ASTL: variants seen among roughly 807,000 people sequenced by gnomAD.
ASTL encodes the protein astacin like metalloendopeptidase, also known as astacin-like metalloendopeptidase.
A neutral mutation model predicts 36.7 loss-of-function variants in ASTL; 27 were observed. The ratio of observed to expected loss-of-function variants is 0.73; its 90% CI spans 0.54 to 1.01. The LOEUF (loss-of-function observed/expected upper bound fraction) is 1.01, where lower values mean the gene tolerates loss of function less well. Ranked by LOEUF, ASTL falls within the 50% of genes least tolerant of loss-of-function variation. The probability of loss-of-function intolerance (pLI) is 0.00; values close to 1 mark genes in which losing one functional copy is unlikely to be tolerated. For missense variants in ASTL, 524 were observed against 572.8 expected (o/e 0.91, Z 0.87); for synonymous variants, 222 against 228.1 (o/e 0.97, Z 0.24).
In ASTL at chr2:96,132,425, G is replaced by A; in HGVS notation, c.637+115C>T. ...GAGACCCCCACCTTCCCCACAGGAA[G>A]CAGGCAGGTGATGGGGAGGATGGAT... On this transcript the variant is annotated intron_variant, in intron 6 of 8. Coordinates refer to ENST00000342380, the MANE Select transcript of ASTL (RefSeq NM_001002036.4). The surrounding 1 kb of genome is among the most constrained non-coding windows in gnomAD (Gnocchi z 5.4). The A allele has an allele frequency of 2.2e-6, 2 of 917,798 alleles. No individual in the cohort carries two copies. Among genetic ancestry groups the A allele is most frequent in the Admixed American group, 5.8e-5 (2 of 34,346 alleles). 56.9% of individuals were successfully genotyped at this position (917,798 alleles called of 1,614,324 possible).
At chr2:96,136,131 GGA>G (rs1682294913) in intron 2 of ASTL, among the ~76,000 whole-genome samples, 1 of 152,254 alleles carries the variant, frequency 6.6e-6, no homozygotes, top group Admixed American at 6.5e-5. Flanking sequence ...ACTCACAGGG[GGA>G]GTGAGGGAAG....
intron 2 of ASTL, among the ~76,000 whole-genome samples, chr2:96,136,390 C>T (rs1682299386): frequency 6.6e-6 from 1 of 152,268 alleles, no homozygotes; most frequent in Non-Finnish European, 1.5e-5. Context: ...TAGCCATATT[C>T]ACAGTGGCTG....
At chr2:96,137,891 G>C (rs1024284893) in intron 1 of ASTL, 191 bp from the exon 2 acceptor site, 7 of 579,374 alleles carry the variant, frequency 1.2e-5, no homozygotes, top group African/African-American at 1.9e-5. Flanking sequence ...AGGTCTAGAT[G>C]ACCTCAGGGA....
chr2:96,125,498 C>A (rs1320495657), intron 8 of ASTL, among the ~76,000 whole-genome samples: 1 of 152,178 alleles, frequency 6.6e-6, no homozygotes, highest in Non-Finnish European at 1.5e-5. Flanking sequence ...TGTCCTTTCT[C>A]CCCGCTATAT....
At chr2:96,135,734 C>G (rs1682282898) in intron 2 of ASTL, among the ~76,000 whole-genome samples, 2 of 152,144 alleles carry the variant, frequency 1.3e-5, no homozygotes, top group South Asian at 4.1e-4. Flanking sequence ...GCTAGAGGTT[C>G]CCTGAGCACT....
chr2:96,131,981 C>A (rs1682189351), intron 6 of ASTL, among the ~76,000 whole-genome samples: 1 of 152,236 alleles, frequency 6.6e-6, no homozygotes, highest in African/African-American at 2.4e-5. Context: ...CACAGCCCAC[C>A]TGCCTCCAGC....
At chr2:96,126,040 C>T (rs1682057740) in intron 8 of ASTL, among the ~76,000 whole-genome samples, 1 of 152,034 alleles carries the variant, frequency 6.6e-6, no homozygotes. Context: ...GGGTTCACTC[C>T]AAATAGGTCA....
chr2:96,132,815 G>A lies in ASTL; in HGVS notation c.456-94C>T, dbSNP rs951779763. Reference sequence around the variant, plus strand: ...CTCCCTCCCCACACAACACAAGATAGACAAACTCCCAACAGGCAGGCCCCA... The same window carrying A: ...CTCCCTCCCCACACAACACAAGATAAACAAACTCCCAACAGGCAGGCCCCA... On this transcript the variant is annotated intron_variant, in intron 5 of 8. Transcript: ENST00000342380. The surrounding 1 kb of genome is among the most constrained non-coding windows in gnomAD (Gnocchi z 5.4). 1.8e-4 allele frequency: 213 copies of A among 1,191,364 alleles called. No individual in the cohort carries two copies. The highest frequency in any genetic ancestry group is 2.3e-4 in the Middle Eastern group (1 of 4,368). 73.8% of individuals were successfully genotyped at this position (1,191,364 alleles called of 1,614,324 possible). A position where few individuals can be genotyped will look rare whatever the true frequency, so the allele number is the denominator to read the frequency against.
Position 96,137,682 on chromosome 2 carries a change from G to T in ASTL, c.74C>A (p.Pro25His). The T allele has an allele frequency of 6.2e-7, 1 of 1,613,106 alleles. No homozygotes were observed. Among genetic ancestry groups the T allele is most frequent in the Non-Finnish European group, 8.5e-7 (1 of 1,179,640 alleles). ...GGCTCCTGCGCAGCTGGAGGCCAGG[G>T]GCGCTCCTAGGATCACACCTGGTCC... Reference protein sequence around the residue: ...LSLPGVILGAPLASSCAGACG... With the variant: ...LSLPGVILGAHLASSCAGACG... The change falls in exon 2 of 9, where the codon CCC (proline) becomes CAC (histidine). Residue 25 changes from proline (P) to histidine (H), a missense_variant. Coordinates refer to ENST00000342380, the MANE Select transcript of ASTL (RefSeq NM_001002036.4).
Position 96,130,564 on chromosome 2 carries a change from G to C in ASTL, c.638-419C>G, listed in dbSNP as rs77375414. ...AAAAGCTGCCACGCTGTCATCTGCA[G>C]TGGTGATGCCCTAGTCCCCAGTCAC... On this transcript the variant is annotated intron_variant, in intron 6 of 8. Coordinates refer to ENST00000342380, the MANE Select transcript of ASTL (RefSeq NM_001002036.4). Among the ~76,000 whole-genome samples the C allele has an allele frequency of 6.6e-5, 10 of 152,292 alleles. No homozygotes were observed. In the East Asian group the frequency reaches 1.7e-3, roughly 26 times the overall value.
In ASTL at chr2:96,124,201, T is replaced by A; in HGVS notation, c.945A>T (p.Ala315=). 3.9e-6 allele frequency: 6 copies of A among 1,525,618 alleles called. No individual in the cohort carries two copies. Among genetic ancestry groups the A allele is most frequent in the Non-Finnish European group, 4.4e-6 (5 of 1,138,808 alleles). The allele number at this position is 1,525,618 out of a possible 1,614,324, so 94.5% of individuals were successfully genotyped here. The change falls in exon 9 of 9, where the codon GCA becomes GCT. Residue 315 remains alanine (A), a synonymous_variant. Coordinates refer to ENST00000342380, the MANE Select transcript of ASTL (RefSeq NM_001002036.4). This position sits in a 1 kb window ranked among gnomAD's most constrained non-coding sequence, Gnocchi z 4.1. ...CGGGGCTCCTGGATTCCGCCGACAG[T>A]GCCTCCAAAAGCCGCTGCAGAGATA... The part of the protein sequence containing the change: ...ASLSLQRLLE[A]LSAESRSPDP...
rs201059711 is a variant in ASTL, at chr2:96,129,963, C to G, written c.735G>C (p.Arg245=). Residue 245 remains arginine, a synonymous_variant, in exon 8 of 9, where the codon CGG becomes CGC. Transcript: ENST00000342380. The part of the protein sequence containing the change: ...VMHYGRLAFS[R]RGLPTITPLW... ...GTGGTGTGATGGTGGGCAGCCCACGCCGGCTGAAGGCGAGCCTGGAACCCA... is the reference window on the plus strand; with the variant it reads ...GTGGTGTGATGGTGGGCAGCCCACGGCGGCTGAAGGCGAGCCTGGAACCCA... 1.0e-5 allele frequency: 16 copies of G among 1,603,638 alleles called. No individual in the cohort carries two copies. In the East Asian group the frequency reaches 3.6e-4, roughly 36 times the overall value.
chr2:96,135,407 T>G lies in ASTL; in HGVS notation c.187A>C (p.Ile63Leu). ...CTGCTCTCTGGGGTTTCTTCCAGGATGAGCCCTGGGAAAGGAAGAAGGACG... is the reference window on the plus strand; with the variant it reads ...CTGCTCTCTGGGGTTTCTTCCAGGAGGAGCCCTGGGAAAGGAAGAAGGACG... Reference protein sequence around the residue: ...KDIPAINQGLILEETPESSFL... With the variant: ...KDIPAINQGLLLEETPESSFL... Residue 63 changes from isoleucine to leucine, a missense_variant, in exon 3 of 9, where the codon ATC (isoleucine) becomes CTC (leucine). Transcript: ENST00000342380. 6.2e-7 allele frequency: 1 copy of G among 1,614,136 alleles called. No individual in the cohort carries two copies. Among genetic ancestry groups the G allele is most frequent in the Non-Finnish European group, 8.5e-7 (1 of 1,179,992 alleles).
chr2:96,131,638 C>T (rs1254274393), intron 6 of ASTL, among the ~76,000 whole-genome samples: 2 of 152,152 alleles, frequency 1.3e-5, no homozygotes, highest in African/African-American at 2.4e-5. Context: ...CCACGTGCCC[C>T]GTCACCCCTT....
In ASTL at chr2:96,132,548, A is replaced by T; in HGVS notation, c.629T>A (p.Ile210Asn). Reference protein sequence around the residue: ...DRYIRVNWNEILPGFEINFIK... With the variant: ...DRYIRVNWNENLPGFEINFIK... ...CGTGTGGCCTGGCTCACCTGGCAGG[A>T]TCTCGTTCCAGTTGACACGGATATA... The change falls in exon 6 of 9, where the codon ATC becomes AAC. Residue 210 changes from isoleucine to asparagine, a missense_variant. Physicochemically the swap from Ile to Asn is moderately radical, Grantham distance 149 (BLOSUM62 -3). Transcript: ENST00000342380. This position sits in a 1 kb window ranked among gnomAD's most constrained non-coding sequence, Gnocchi z 5.4. 1 of 1,595,108 alleles carries T rather than the reference A, an allele frequency of 6.3e-7. No homozygotes were observed.
intron 1 of ASTL, 107 bp downstream of exon 1, chr2:96,138,275 A>G (rs1245935760): frequency 2.9e-6 from 3 of 1,047,500 alleles, no homozygotes; most frequent in Non-Finnish European, 4.3e-6. Context: ...GCTCTGAGCT[A>G]CTGAGCTCAG....
chr2:96,127,342 T>C (rs1682084699), intron 8 of ASTL, among the ~76,000 whole-genome samples: 1 of 152,202 alleles, frequency 6.6e-6, no homozygotes, highest in African/African-American at 2.4e-5. Context: ...CAAATTGTTT[T>C]CCAAAGTGGT....
intron 2 of ASTL, among the ~76,000 whole-genome samples, chr2:96,137,210 G>C (rs972556119): frequency 6.6e-6 from 1 of 152,138 alleles, no homozygotes; most frequent in African/African-American, 2.4e-5. Context: ...CTCAGACTGC[G>C]ACTAACCGCT....
chr2:96,125,940 T>TA (rs887921779), intron 8 of ASTL, among the ~76,000 whole-genome samples: 12 of 151,652 alleles, frequency 7.9e-5, no homozygotes, highest in East Asian at 3.9e-4. Context: ...TTTAGTACAG[T>TA]AAAAAAAGTG....
Sources: gnomAD v4.1 joint callset for allele counts (sites outside exome capture counted in the v4.1 genomes callset) on GRCh38, gnomAD v4.1.1 for gene constraint, Gnocchi (gnomAD v3.1) non-coding constraint, MANE v1.5 for transcripts, NCBI Gene and HGNC (gene_info 2026-07-23, HGNC 2026-07-21) for gene names.